Variants in FAM110B observed in about 807,000 individuals in gnomAD.
FAM110B encodes protein FAM110B.
Under a neutral mutation model 20.4 loss-of-function variants are expected in FAM110B, and 6 were observed. The observed-to-expected ratio is 0.29, with a 90% CI of 0.16 to 0.58. The LOEUF (loss-of-function observed/expected upper bound fraction) is 0.58. FAM110B is among the 20% of genes least tolerant of loss of function. The probability of loss-of-function intolerance (pLI) is 0.90; values close to 1 mark genes in which losing one functional copy is unlikely to be tolerated. For missense variants in FAM110B, 434 were observed against 498.2 expected (o/e 0.87, Z 1.23); for synonymous variants, 226 against 214.1 (o/e 1.06, Z -0.49).
chr8:58,045,774 G>A (rs1805308646), intron 2 of FAM110B, among the ~76,000 whole-genome samples: 1 of 152,132 alleles, frequency 6.6e-6, no homozygotes, highest in South Asian at 2.1e-4. Flanking sequence ...ACCAGAAGGT[G>A]GACATTCCTT....
intron 2 of FAM110B, among the ~76,000 whole-genome samples, chr8:58,041,137 C>T (rs1041677334): frequency 2.0e-5 from 3 of 151,956 alleles, no homozygotes; most frequent in African/African-American, 7.3e-5. Flanking sequence ...GATGGGTTTT[C>T]CCCATGTTGG....
In FAM110B at chr8:58,146,842, C is replaced by T. The variant is rs1803879367; in HGVS notation, c.612C>T (p.Arg204=). The change falls in exon 4 of 4, where the codon CGC becomes CGT. Residue 204 remains arginine (R), a synonymous_variant. Coordinates refer to ENST00000519262, the MANE Select transcript of FAM110B (RefSeq NM_001377989.1). ...LHVSHSSSDI[R]KVTSVKPLKA... is the part of the protein sequence containing the mutation. Reference sequence around the variant, plus strand: ...TGTCCCACAGCTCTTCGGACATCCGCAAGGTGACCAGCGTGAAGCCCCTCA... The same window carrying T: ...TGTCCCACAGCTCTTCGGACATCCGTAAGGTGACCAGCGTGAAGCCCCTCA... 6.2e-7 allele frequency: 1 copy of T among 1,613,094 alleles called. No individual in the cohort carries two copies. Among genetic ancestry groups the T allele is most frequent in the Non-Finnish European group, 8.5e-7 (1 of 1,179,464 alleles).
At chr8:58,101,421 CT>C (rs1806777150) in intron 3 of FAM110B, among the ~76,000 whole-genome samples, 2 of 152,232 alleles carry the variant, frequency 1.3e-5, no homozygotes, top group Admixed American at 6.5e-5. Flanking sequence ...CCTAGCTTAA[CT>C]TCATTTAAAG....
chr8:58,021,703 C>T (rs1338797289), intron 1 of FAM110B, among the ~76,000 whole-genome samples: 2 of 152,052 alleles, frequency 1.3e-5, no homozygotes, highest in Non-Finnish European at 2.9e-5. Context: ...ATTATTTTAT[C>T]CAATACCAAC....
At chr8:57,997,804 G>A (rs1180617232) in intron 1 of FAM110B, among the ~76,000 whole-genome samples, 1 of 152,176 alleles carries the variant, frequency 6.6e-6, no homozygotes, top group East Asian at 1.9e-4. Flanking sequence ...TTATCTCTAA[G>A]GGCTGGCTCT....
intron 3 of FAM110B, among the ~76,000 whole-genome samples, chr8:58,097,316 T>C (rs1209389732): frequency 6.6e-6 from 1 of 152,246 alleles, no homozygotes; most frequent in Admixed American, 6.5e-5. Context: ...TGATATCCTT[T>C]ATTCTGTTTG....
At chr8:58,014,520 G>A (rs1242694677) in intron 1 of FAM110B, among the ~76,000 whole-genome samples, 2 of 152,214 alleles carry the variant, frequency 1.3e-5, no homozygotes, top group African/African-American at 4.8e-5. Flanking sequence ...AAAGGTGGAT[G>A]TCTTGCAGGG....
intron 2 of FAM110B, among the ~76,000 whole-genome samples, chr8:58,042,865 A>G (rs924260802): frequency 6.6e-6 from 1 of 152,204 alleles, no homozygotes; most frequent in African/African-American, 2.4e-5. Flanking sequence ...TCTGGTTTCT[A>G]GCTGTCCCAC....
At chr8:58,075,271 T>TGTGTGTG (rs1554521060) in intron 2 of FAM110B, among the ~76,000 whole-genome samples, 2 of 134,726 alleles carry the variant, frequency 1.5e-5, no homozygotes, top group African/African-American at 7.5e-5. Context: ...GCTTTTTTTT[T>TGTGTGTG]TTTTTGTGTG....
chr8:58,095,837 G>A (rs535051429), intron 3 of FAM110B, among the ~76,000 whole-genome samples: 1 of 152,222 alleles, frequency 6.6e-6, no homozygotes, highest in Non-Finnish European at 1.5e-5. Context: ...TTGACAGTGG[G>A]ATGTTAAAGT....
At chr8:58,139,715 C>G (rs1028156845) in intron 3 of FAM110B, among the ~76,000 whole-genome samples, 2 of 152,112 alleles carry the variant, frequency 1.3e-5, no homozygotes, top group Non-Finnish European at 2.9e-5. Flanking sequence ...ATCATGAGGT[C>G]AGGAGATCGA....
At chr8:58,040,638 A>G (rs949853782) in intron 2 of FAM110B, among the ~76,000 whole-genome samples, 1 of 152,188 alleles carries the variant, frequency 6.6e-6, no homozygotes, top group Non-Finnish European at 1.5e-5. Flanking sequence ...TAATTTTAAA[A>G]ACACTGCCTC....
At chr8:58,096,698 T>C (rs1488637983) in intron 3 of FAM110B, among the ~76,000 whole-genome samples, 1 of 152,208 alleles carries the variant, frequency 6.6e-6, no homozygotes, top group Non-Finnish European at 1.5e-5. Flanking sequence ...CCTTTCCATG[T>C]TTAGTGCTTC....
At chr8:58,103,125 G>T (rs1806823605) in intron 3 of FAM110B, among the ~76,000 whole-genome samples, 1 of 151,892 alleles carries the variant, frequency 6.6e-6, no homozygotes, top group South Asian at 2.1e-4. Context: ...TATGCATTTG[G>T]GTCAATGAAT....
At chr8:58,110,383 G>C (rs961061891) in intron 3 of FAM110B, among the ~76,000 whole-genome samples, 1 of 152,106 alleles carries the variant, frequency 6.6e-6, no homozygotes, top group African/African-American at 2.4e-5. Context: ...GTACAGAAGA[G>C]AAAGGAAAGA....
chr8:58,011,354 C>T (rs967473595), intron 1 of FAM110B, among the ~76,000 whole-genome samples: 5 of 152,144 alleles, frequency 3.3e-5, no homozygotes, highest in African/African-American at 7.2e-5. Flanking sequence ...CTGGATAGAG[C>T]GCTGGCCTTT....
At chr8:58,079,269 T>C (rs1035554994) in intron 3 of FAM110B, among the ~76,000 whole-genome samples, 1 of 152,158 alleles carries the variant, frequency 6.6e-6, no homozygotes, top group Non-Finnish European at 1.5e-5. Flanking sequence ...TTTCTGCTTT[T>C]TTAAAAAGAG....
At chr8:58,099,852 A>G (rs1340921568) in intron 3 of FAM110B, among the ~76,000 whole-genome samples, 2 of 152,102 alleles carry the variant, frequency 1.3e-5, no homozygotes, top group South Asian at 2.1e-4. Context: ...GCTTGATGAA[A>G]GCTCTGTGTT....
intron 2 of FAM110B, among the ~76,000 whole-genome samples, chr8:58,047,368 G>C (rs1231706561): frequency 6.6e-6 from 1 of 152,264 alleles, no homozygotes; most frequent in East Asian, 1.9e-4. Flanking sequence ...GATGTTTGTA[G>C]TAAGGTTTGG....
Sources: allele counts gnomAD v4.1 joint callset (sites outside exome capture counted in the v4.1 genomes callset), GRCh38; gene constraint gnomAD v4.1.1; transcripts MANE v1.5; gene names NCBI Gene and HGNC (gene_info 2026-07-23, HGNC 2026-07-21).